Variants in ERFE observed in about 807,000 individuals in gnomAD.
ERFE encodes erythroferrone, also known as complement C1q tumor necrosis factor-related protein 15.
ERFE carries 25 observed loss-of-function variants against 26.6 expected under a neutral mutation model. The ratio of observed to expected loss-of-function variants is 0.94; its 90% CI spans 0.69 to 1.31. The LOEUF (loss-of-function observed/expected upper bound fraction) is 1.31, where lower values mean the gene tolerates loss of function less well. Ranked by LOEUF, ERFE falls within the 40% of genes most tolerant of loss-of-function variation. The pLI is 0.00. For synonymous variants in ERFE, 206 were observed against 204.5 expected (o/e 1.01, Z -0.06); for missense variants, 447 against 440.2 (o/e 1.02, Z -0.14).
chr2:238,163,705 C>T (rs1204739219), intron 3 of ERFE, 32 bp from the exon 4 acceptor site: 2 of 1,276,858 alleles, frequency 1.6e-6, no homozygotes, highest in Non-Finnish European at 2.0e-6. Context: ...TGAGGGGTCC[C>T]TGGCGCGCGG....
In ERFE at chr2:238,168,107, C is replaced by T. The variant is rs548245620; in HGVS notation, c.*1053C>T. On this transcript the variant is annotated 3_prime_UTR_variant, in exon 8 of 8. Transcript: ENST00000546354. The stretch of plus-strand genomic sequence containing the variant: ...ACAGGTGGTGGACGAGAGATGGTCC[C>T]GAGAAAGGGTGGTCTTGGGAGGGCT... 22 of 226,404 alleles carry T rather than the reference C, an allele frequency of 9.7e-5. No homozygotes were observed. Among genetic ancestry groups the T allele is most frequent in the South Asian group, 6.8e-4 (12 of 17,726 alleles). 14.0% of individuals were successfully genotyped at this position (226,404 alleles called of 1,614,324 possible). A position where few individuals can be genotyped will look rare whatever the true frequency, so the allele number is the denominator to read the frequency against.
intron 1 of ERFE, among the ~76,000 whole-genome samples, chr2:238,160,579 C>T (rs1027245268): frequency 2.0e-5 from 3 of 152,242 alleles, no homozygotes; most frequent in Admixed American, 6.5e-5. Flanking sequence ...ACCCTTTCTC[C>T]GCCCAACCAC....
intron 1 of ERFE, among the ~76,000 whole-genome samples, chr2:238,160,721 C>T (rs72989055): frequency 0.016 from 2,499 of 152,246 alleles, 25 homozygotes; most frequent in South Asian, 0.063. Flanking sequence ...ACTTGGCAGC[C>T]GGCTTTGTCT....
intron 4 of ERFE, 34 bp downstream of exon 4, chr2:238,164,033 C>G: frequency 7.3e-7 from 1 of 1,376,286 alleles, no homozygotes; most frequent in Non-Finnish European, 9.3e-7. Flanking sequence ...CGGGTGAGTC[C>G]GGCCGGGCGG....
At position 238,165,693 on chromosome 2, in the gene ERFE, G is replaced by A. The variant is rs1226606012; in HGVS notation, c.966+9G>A. ...GCGTCCTGTACCTGCAGGTGAGTGC[G>A]GCAGGCTTGGGCATCGAGGGGCACC... On this transcript the variant is annotated intron_variant, in intron 7 of 7. Coordinates refer to ENST00000546354, the MANE Select transcript of ERFE (RefSeq NM_001291832.2). 2.8e-5 allele frequency: 43 copies of A among 1,544,852 alleles called. No homozygotes were observed. The highest frequency in any genetic ancestry group is 1.1e-4 in the African/African-American group (8 of 72,932).
intron 3 of ERFE, among the ~76,000 whole-genome samples, chr2:238,163,381 G>A (rs953823546): frequency 1.3e-5 from 2 of 152,226 alleles, no homozygotes; most frequent in East Asian, 3.9e-4. Context: ...TGTCCTGTTC[G>A]TTTAAATATA....
chr2:238,165,973 C>A (rs372595391), intron 7 of ERFE, among the ~76,000 whole-genome samples: 8 of 152,238 alleles, frequency 5.3e-5, no homozygotes, highest in African/African-American at 1.7e-4. Flanking sequence ...TCCCTGAGCA[C>A]CTCATCCTGA....
Position 238,164,101 on chromosome 2 carries a change from C to T in ERFE, c.714C>T (p.Arg238=). Residue 238 remains arginine (R), a synonymous_variant, in exon 5 of 8, where the codon CGC becomes CGT. Coordinates refer to ENST00000546354, the MANE Select transcript of ERFE (RefSeq NM_001291832.2). ...YLPDAEGAFR[R]GPGLNLTSGQ... ...CCGACGCCGAGGGTGCCTTCCGCCG[C>T]GGCCCGGGCCTGAACTTGACCAGCG... 7.0e-7 allele frequency: 1 copy of T among 1,433,176 alleles called. No individual in the cohort carries two copies. 88.8% of individuals were successfully genotyped at this position (1,433,176 alleles called of 1,614,324 possible).
At position 238,162,335 on chromosome 2, in the gene ERFE, G is replaced by A. The variant is rs559912898; in HGVS notation, c.322-401G>A. On this transcript the variant is annotated intron_variant, in intron 2 of 7. Coordinates refer to ENST00000546354, the MANE Select transcript of ERFE (RefSeq NM_001291832.2). ...CCCTGCCCTAAGCTTCTCCCCACAGGGGGCTCACTGGCTTCTGGTTCGGGT... is the reference window on the plus strand; with the variant it reads ...CCCTGCCCTAAGCTTCTCCCCACAGAGGGCTCACTGGCTTCTGGTTCGGGT... Among the ~76,000 whole-genome samples the A allele has an allele frequency of 1.6e-4, 25 of 152,350 alleles. No homozygotes were observed. The South Asian group carries it at 4.6e-3, about 28-fold the overall frequency.
rs745561036 is a variant in ERFE at position 238,167,502 on chromosome 2, G to A, written c.*448G>A. 2 of 463,688 alleles carry A rather than the reference G, an allele frequency of 4.3e-6. No individual in the cohort carries two copies. The highest frequency in any genetic ancestry group is 2.0e-5 in the African/African-American group (1 of 50,610). 28.7% of individuals were successfully genotyped at this position (463,688 alleles called of 1,614,324 possible). A position where few individuals can be genotyped will look rare whatever the true frequency, so the allele number is the denominator to read the frequency against. Reference sequence around the variant, plus strand: ...AGAGGGTCAGCTGACGCAGGGCTGAGGGGGCTGCCACAGGGACGTACGCTG... The same window carrying A: ...AGAGGGTCAGCTGACGCAGGGCTGAAGGGGCTGCCACAGGGACGTACGCTG... On this transcript the variant is annotated 3_prime_UTR_variant, in exon 8 of 8. Transcript: ENST00000546354.
At chr2:238,165,815 G>T in intron 7 of ERFE, 131 bp downstream of exon 7, 1 of 815,512 alleles carries the variant, frequency 1.2e-6, no homozygotes, top group Non-Finnish European at 2.0e-6. Flanking sequence ...CCAGGCCTGG[G>T]AGAGGGTCCA....
chr2:238,164,260 T>C lies in ERFE; in HGVS notation c.797-10T>C, dbSNP rs973443107. The stretch of plus-strand genomic sequence containing the variant: ...CCGCCCGCTTGACCACGTCCCACCC[T>C]CCCCCGCAGCGCTCGGGGAGCCGCC... On this transcript the variant is annotated splice_polypyrimidine_tract_variant and intron_variant, in intron 5 of 7. Coordinates refer to ENST00000546354, the MANE Select transcript of ERFE (RefSeq NM_001291832.2). The C allele has an allele frequency of 1.4e-6, 2 of 1,418,178 alleles. No individual in the cohort carries two copies. Among genetic ancestry groups the C allele is most frequent in the South Asian group, 1.3e-5 (1 of 74,762 alleles). The allele number at this position is 1,418,178 out of a possible 1,614,324, so 87.8% of individuals were successfully genotyped here.
At chr2:238,161,808 A>G (rs531221600) in intron 2 of ERFE, 92 bp downstream of exon 2, 6 of 1,411,776 alleles carry the variant, frequency 4.2e-6, no homozygotes, top group Non-Finnish European at 1.9e-6. Flanking sequence ...AACATTTCCA[A>G]TAGCACACCC....
chr2:238,161,630 C>G lies in ERFE; in HGVS notation c.235C>G (p.Arg79Gly). The G allele has an allele frequency of 6.5e-7, 1 of 1,546,398 alleles. No individual in the cohort carries two copies. Among genetic ancestry groups the G allele is most frequent in the Non-Finnish European group, 8.7e-7 (1 of 1,143,632 alleles). Residue 79 changes from arginine (R) to glycine (G), a missense_variant, in exon 2 of 8, where the codon CGG becomes GGG. Transcript: ENST00000546354. The stretch of plus-strand genomic sequence containing the variant: ...TGAGCGTGCACACAGCGTCGACCCC[C>G]GGGACGCCTGGATGCTCTTCGTCAG... ...TAERAHSVDP[R>G]DAWMLFVRQS... is the part of the protein sequence containing the mutation.
Position 238,167,123 on chromosome 2 carries a change from CAG to C in ERFE, c.*72_*73del. The C allele has an allele frequency of 6.8e-7, 1 of 1,462,594 alleles. No individual in the cohort carries two copies. The highest frequency in any genetic ancestry group is 2.5e-5 in the East Asian group (1 of 40,526). The allele number at this position is 1,462,594 out of a possible 1,614,324, so 90.6% of individuals were successfully genotyped here. A position where few individuals can be genotyped will look rare whatever the true frequency, so the allele number is the denominator to read the frequency against. On this transcript the variant is annotated 3_prime_UTR_variant, in exon 8 of 8. Transcript: ENST00000546354. ...GATCTAGACAATGTGTGGACAGTGT[CAG>C]AGTAGCAGTGGCCACATGGAGGAGG...
intron 3 of ERFE, 129 bp downstream of exon 3, chr2:238,162,967 G>T: frequency 2.9e-6 from 2 of 682,688 alleles, no homozygotes; most frequent in Non-Finnish European, 5.0e-6. Flanking sequence ...GCTCTGGGCT[G>T]GACTCAAGGA....
In ERFE at chr2:238,168,472, CCTT is replaced by C; in HGVS notation, c.*1421_*1423del. On this transcript the variant is annotated 3_prime_UTR_variant, in exon 8 of 8. Transcript: ENST00000546354. ...AGGGAGCAATGGCCAGTCACCTTCA[CCTT>C]CTAACTAACTAGCCTCCGGATGAGG... 6.4e-6 allele frequency: 3 copies of C among 470,962 alleles called. No homozygotes were observed. Among genetic ancestry groups the C allele is most frequent in the Non-Finnish European group, 1.3e-5 (3 of 226,924 alleles). The allele number at this position is 470,962 out of a possible 1,614,324, so 29.2% of individuals were successfully genotyped here.
chr2:238,166,704 G>A (rs1025628709), intron 7 of ERFE, among the ~76,000 whole-genome samples: 4 of 152,368 alleles, frequency 2.6e-5, no homozygotes, highest in Admixed American at 2.6e-4. Flanking sequence ...ATCCCACTCT[G>A]GCCTTGAGCA....
Position 238,166,962 on chromosome 2 carries a change from C to T in ERFE, c.973C>T (p.Gln325Ter), listed in dbSNP as rs1212490425. The T allele has an allele frequency of 2.6e-5, 41 of 1,550,418 alleles. No homozygotes were observed. Among genetic ancestry groups the T allele is most frequent in the South Asian group, 3.6e-5 (3 of 84,060 alleles). The change falls in exon 8 of 8, where the codon CAG (glutamine) becomes TAG (stop). Residue 325 changes from glutamine to a stop codon, truncating the protein, a stop_gained. Coordinates refer to ENST00000546354, the MANE Select transcript of ERFE (RefSeq NM_001291832.2). LOFTEE classifies it high-confidence loss of function. ...AAAGGCACCCTCCTTGCAGATGGGG[C>T]AGTGGACCTCCGTGTTCTTGGACAA... ...VNGVLYLQMG[Q>*]WTSVFLDNAS...
Sources: allele counts gnomAD v4.1 joint callset (sites outside exome capture counted in the v4.1 genomes callset), GRCh38; gene constraint gnomAD v4.1.1; transcripts MANE v1.5; gene names NCBI Gene and HGNC (gene_info 2026-07-23, HGNC 2026-07-21).